The following MPP7 variants were observed in gnomAD, a reference collection of about 807,000 sequenced individuals.
MPP7 encodes MAGUK p55 scaffold protein 7.
Under a neutral mutation model 76.5 loss-of-function variants are expected in MPP7, and 60 were observed. The ratio of observed to expected loss-of-function variants is 0.78; its 90% CI spans 0.64 to 0.97. The LOEUF (loss-of-function observed/expected upper bound fraction) is 0.97, where lower values mean the gene tolerates loss of function less well. Ranked by LOEUF, MPP7 falls within the 50% of genes least tolerant of loss-of-function variation. The probability of loss-of-function intolerance (pLI) is 0.00; values close to 1 mark genes in which losing one functional copy is unlikely to be tolerated. For missense variants in MPP7, 641 were observed against 694.0 expected, an observed-to-expected ratio of 0.92 and a Z score of 0.86; for synonymous variants, 237 against 244.5, an observed-to-expected ratio of 0.97 and a Z score of 0.29.
At position 28,238,588 on chromosome 10, in the gene MPP7, G is replaced by A. The variant is rs758713609; in HGVS notation, c.17C>T (p.Thr6Met). The A allele has an allele frequency of 5.9e-5, 95 of 1,613,980 alleles. 1 individual carries two copies. Among genetic ancestry groups the A allele is most frequent in the Middle Eastern group, 3.3e-4 (2 of 6,084 alleles). ...CATACCAGTGTCACTCCCAGATCCC[G>A]TTGACAAAGCTGGCATGATGCAAGG... Reference protein sequence around the residue: MPALSTGSGSDTGLYE... With the variant: MPALSMGSGSDTGLYE... Residue 6 changes from threonine (T) to methionine (M), a missense_variant, in exon 2 of 17, where the codon ACG becomes ATG. By Grantham distance (81) the Thr-to-Met change is moderately conservative. Coordinates refer to ENST00000683449, the MANE Select transcript of MPP7 (RefSeq NM_001318170.2).
intron 2 of MPP7, among the ~76,000 whole-genome samples, chr10:28,221,777 C>T (rs1838516624): frequency 6.6e-6 from 1 of 152,126 alleles, no homozygotes; most frequent in African/African-American, 2.4e-5. Flanking sequence ...CACTGGAGCT[C>T]CCTGGGCAAT....
At chr10:28,175,277 G>A (rs1298053140) in intron 3 of MPP7, among the ~76,000 whole-genome samples, 1 of 151,078 alleles carries the variant, frequency 6.6e-6, no homozygotes, top group Non-Finnish European at 1.5e-5. Flanking sequence ...GTAACAGAGT[G>A]AGATGTCGTC....
At chr10:28,238,049 A>ATGTT (rs922221100) in intron 2 of MPP7, among the ~76,000 whole-genome samples, 1 of 152,090 alleles carries the variant, frequency 6.6e-6, no homozygotes, top group Non-Finnish European at 1.5e-5. Context: ...AACATAAAAT[A>ATGTT]TGTTTGTTTG....
chr10:28,143,857 G>C (rs59897641), intron 5 of MPP7, among the ~76,000 whole-genome samples: 6 of 872 alleles, frequency 6.9e-3, no homozygotes, highest in Middle Eastern at 0.25. Context: ...ATCGTGTGCT[G>C]TGTGTGTGTG....
chr10:28,099,924 A>T (rs1197835358), intron 11 of MPP7, among the ~76,000 whole-genome samples: 2 of 152,100 alleles, frequency 1.3e-5, no homozygotes, highest in Non-Finnish European at 2.9e-5. Flanking sequence ...AAAACATTTA[A>T]ATTCTTTTTT....
In MPP7 at chr10:28,285,845, GT is replaced by G. The variant is rs879782334; in HGVS notation, c.-132+17015del. On this transcript the variant is annotated intron_variant, in intron 1 of 16. Coordinates refer to ENST00000683449, the MANE Select transcript of MPP7 (RefSeq NM_001318170.2). ...AAAGCATTACAACAGGTGGTAGCCT[GT>G]TTTTTTTTTTATTTAATTATGATAA... is the stretch of plus-strand genomic sequence containing the variant. Among the ~76,000 whole-genome samples the G allele has an allele frequency of 6.3e-3, 920 of 146,028 alleles. 4 individuals are homozygous for G. The highest frequency in any genetic ancestry group is 9.1e-3 in the Admixed American group (132 of 14,576).
At chr10:28,128,859 T>A (rs564833422) in intron 6 of MPP7, among the ~76,000 whole-genome samples, 44 of 152,304 alleles carry the variant, frequency 2.9e-4, no homozygotes, top group African/African-American at 9.4e-4. Context: ...CATAGACGCT[T>A]TTTAAAGCCA....
intron 5 of MPP7, among the ~76,000 whole-genome samples, chr10:28,140,249 G>A (rs1012961264): frequency 6.6e-6 from 1 of 152,170 alleles, no homozygotes; most frequent in Non-Finnish European, 1.5e-5. Context: ...GATGGCTACC[G>A]CCTATAATCC....
At chr10:28,283,964 G>C (rs1324280830) in intron 1 of MPP7, among the ~76,000 whole-genome samples, 4 of 152,136 alleles carry the variant, frequency 2.6e-5, no homozygotes, top group Non-Finnish European at 4.4e-5. Context: ...CCCAGTTTCA[G>C]ACCCATCTGG....
chr10:28,094,241 T>G (rs1853456457), intron 11 of MPP7, among the ~76,000 whole-genome samples: 1 of 152,056 alleles, frequency 6.6e-6, no homozygotes, highest in Non-Finnish European at 1.5e-5. Flanking sequence ...TCACACAGGT[T>G]ATGAAGCTTT....
At chr10:28,071,902 A>G (rs992922715) in intron 12 of MPP7, among the ~76,000 whole-genome samples, 4 of 152,210 alleles carry the variant, frequency 2.6e-5, no homozygotes, top group African/African-American at 9.6e-5. Context: ...TGATAAGGAA[A>G]GAAGGAAACA....
chr10:28,313,872 TTTTA>T (rs1300280842), intron 2 of MPP7, among the ~76,000 whole-genome samples: 15,936 of 74,824 alleles, frequency 0.21, 2,150 homozygotes, highest in South Asian at 0.3. Flanking sequence ...TTTTTATTTT[TTTTA>T]TTTTTTTTTG....
chr10:28,068,547 A>G (rs1399871648), intron 13 of MPP7, among the ~76,000 whole-genome samples: 1 of 152,172 alleles, frequency 6.6e-6, no homozygotes, highest in African/African-American at 2.4e-5. Flanking sequence ...TTCAAGCATC[A>G]CATTTTATTT....
At chr10:28,329,464 T>G (rs1325732486) in intron 2 of MPP7, among the ~76,000 whole-genome samples, 1 of 151,910 alleles carries the variant, frequency 6.6e-6, no homozygotes, top group Non-Finnish European at 1.5e-5. Context: ...CTGTCTCTAC[T>G]AAAAATACAA....
intron 3 of MPP7, among the ~76,000 whole-genome samples, chr10:28,201,049 T>A (rs1261731114): frequency 6.6e-6 from 1 of 152,028 alleles, no homozygotes; most frequent in Non-Finnish European, 1.5e-5. Flanking sequence ...GCCTAATAAA[T>A]CCCCAGAGGG....
rs530079751 is a variant in MPP7 at position 28,125,169 on chromosome 10, C to T, written c.448-78G>A. 7.8e-4 allele frequency: 954 copies of T among 1,216,652 alleles called. 1 individual carries two copies. The highest frequency in any genetic ancestry group is 1.1e-3 in the Non-Finnish European group (888 of 839,788). The allele number at this position is 1,216,652 out of a possible 1,614,324, so 75.4% of individuals were successfully genotyped here. Reference sequence around the variant, plus strand: ...TAGAAAAGGAGGAAATAAGGACATTCATCTGAAAAAAGAGAAAACAACTAC... The same window carrying T: ...TAGAAAAGGAGGAAATAAGGACATTTATCTGAAAAAAGAGAAAACAACTAC... On this transcript the variant is annotated intron_variant, in intron 6 of 16. Coordinates refer to ENST00000683449, the MANE Select transcript of MPP7 (RefSeq NM_001318170.2).
In MPP7 at chr10:28,260,167, C is replaced by T. The variant is rs150467788; in HGVS notation, c.-131-21432G>A. ...TGTTACAATAATTTTATGGCATTAT[C>T]ATCATCGACATATTTGAGTCCATCC... On this transcript the variant is annotated intron_variant, in intron 1 of 16. Transcript: ENST00000683449. Among the ~76,000 whole-genome samples the T allele has an allele frequency of 9.3e-3, 1,423 of 152,282 alleles. 11 individuals are homozygous for T. Among genetic ancestry groups the T allele is most frequent in the Middle Eastern group, 0.027 (8 of 294 alleles).
intron 13 of MPP7, among the ~76,000 whole-genome samples, chr10:28,069,484 C>T (rs951135173): frequency 1.3e-5 from 2 of 151,758 alleles, no homozygotes; most frequent in East Asian, 3.9e-4. Context: ...CGTGCCTGTA[C>T]TCCCAGCTAC....
intron 11 of MPP7, among the ~76,000 whole-genome samples, chr10:28,091,136 G>C (rs1396772337): frequency 3.9e-5 from 6 of 152,002 alleles, no homozygotes; most frequent in Non-Finnish European, 7.4e-5. Context: ...GACAGAGTAA[G>C]ACTCCATTTC....
Sources: gnomAD v4.1 joint callset for allele counts (sites outside exome capture counted in the v4.1 genomes callset) on GRCh38, gnomAD v4.1.1 for gene constraint, MANE v1.5 for transcripts, NCBI Gene and HGNC (gene_info 2026-07-23, HGNC 2026-07-21) for gene names.